The following DLG2 variants were observed in gnomAD, a reference collection of about 807,000 sequenced individuals.
DLG2 encodes the protein discs large MAGUK scaffold protein 2, also known as disks large homolog 2.
Under a neutral mutation model 132.5 loss-of-function variants are expected in DLG2, and 45 were observed. The observed-to-expected ratio is 0.34, with a 90% CI of 0.27 to 0.44. The LOEUF (loss-of-function observed/expected upper bound fraction) is 0.44, where lower values mean the gene tolerates loss of function less well. Ranked by LOEUF, DLG2 falls within the 20% of genes least tolerant of loss-of-function variation. DLG2 has a pLI of 1.00. For synonymous variants in DLG2, 424 were observed against 419.6 expected (o/e 1.01, Z -0.13); for missense variants, 1,045 against 1,196.9 (o/e 0.87, Z 1.87).
intron 21 of DLG2, among the ~76,000 whole-genome samples, chr11:83,514,907 T>A (rs2095232470): frequency 6.6e-6 from 1 of 152,222 alleles, no homozygotes; most frequent in African/African-American, 2.4e-5. Flanking sequence ...TGCTTTTTGA[T>A]GTGCTGCTGG....
chr11:83,515,136 G>A (rs1274618111), intron 21 of DLG2, among the ~76,000 whole-genome samples: 5 of 152,170 alleles, frequency 3.3e-5, no homozygotes, highest in South Asian at 2.1e-4. Context: ...GGTAGAATTC[G>A]GCTGTGAATC....
At chr11:85,611,328 A>G (rs2153273614) in intron 2 of DLG2, among the ~76,000 whole-genome samples, 1 of 152,346 alleles carries the variant, frequency 6.6e-6, no homozygotes, top group Middle Eastern at 3.4e-3. Flanking sequence ...TGGCTATCAG[A>G]CAACTGCCTA....
chr11:84,901,374 G>C (rs946155875), intron 6 of DLG2, among the ~76,000 whole-genome samples: 6 of 152,046 alleles, frequency 3.9e-5, no homozygotes, highest in Non-Finnish European at 7.4e-5. Flanking sequence ...CAATCAGTGG[G>C]ATAAGAGATG....
At chr11:84,766,050 C>T (rs932347317) in intron 6 of DLG2, among the ~76,000 whole-genome samples, 6 of 152,006 alleles carry the variant, frequency 3.9e-5, no homozygotes, top group Admixed American at 2.6e-4. Flanking sequence ...CTTAAACAGA[C>T]ATTTAATGAA....
intron 16 of DLG2, among the ~76,000 whole-genome samples, chr11:83,847,635 T>C (rs2058868855): frequency 6.6e-6 from 1 of 152,154 alleles, no homozygotes; most frequent in South Asian, 2.1e-4. Context: ...CAAGTTTCCA[T>C]ATTGTATAAC....
At chr11:84,000,980 C>G (rs764256696) in intron 11 of DLG2, among the ~76,000 whole-genome samples, 1 of 151,818 alleles carries the variant, frequency 6.6e-6, no homozygotes, top group Non-Finnish European at 1.5e-5. Context: ...AGCATCATGA[C>G]AGAAAGCTAC....
chr11:85,099,565 C>T (rs1177877837), intron 6 of DLG2, among the ~76,000 whole-genome samples: 1 of 152,096 alleles, frequency 6.6e-6, no homozygotes, highest in Non-Finnish European at 1.5e-5. Context: ...GTATGGCCTT[C>T]TATTTTAACA....
intron 11 of DLG2, among the ~76,000 whole-genome samples, chr11:84,021,041 T>A (rs2095375331): frequency 6.6e-6 from 1 of 152,122 alleles, no homozygotes; most frequent in Admixed American, 6.5e-5. Context: ...TATAGAAAGT[T>A]ACAGAAACAG....
At chr11:83,636,777 G>T (rs2153468786) in intron 18 of DLG2, among the ~76,000 whole-genome samples, 1 of 152,146 alleles carries the variant, frequency 6.6e-6, no homozygotes, top group African/African-American at 2.4e-5. Context: ...TTTCTGCCAT[G>T]CTTTCGAAAT....
intron 6 of DLG2, among the ~76,000 whole-genome samples, chr11:84,731,965 T>C (rs570358178): frequency 6.6e-6 from 1 of 152,090 alleles, no homozygotes; most frequent in Admixed American, 6.6e-5. Flanking sequence ...CCCAAAGCAA[T>C]CACTCATCTG....
At chr11:85,158,331 ATTTG>A (rs1354989095) in intron 4 of DLG2, among the ~76,000 whole-genome samples, 5 of 152,092 alleles carry the variant, frequency 3.3e-5, no homozygotes, top group Admixed American at 2.6e-4. Context: ...GGTTGTAATA[ATTTG>A]TTTGTTTAGC....
intron 9 of DLG2, among the ~76,000 whole-genome samples, chr11:84,143,323 G>C (rs1192087838): frequency 1.3e-5 from 2 of 152,134 alleles, no homozygotes; most frequent in African/African-American, 2.4e-5. Flanking sequence ...TGAATGATAA[G>C]AAGAAGTTGA....
intron 8 of DLG2, among the ~76,000 whole-genome samples, chr11:84,226,050 A>G (rs1274214779): frequency 6.6e-6 from 1 of 152,182 alleles, no homozygotes; most frequent in African/African-American, 2.4e-5. Context: ...ACCTCAAGTG[A>G]TCCGCCTGCC....
At chr11:84,880,664 T>C (rs1666118142) in intron 6 of DLG2, among the ~76,000 whole-genome samples, 1 of 152,156 alleles carries the variant, frequency 6.6e-6, no homozygotes, top group African/African-American at 2.4e-5. Context: ...TTTCCTTCTT[T>C]CAAAGTAGAA....
chr11:84,989,175 TA>T (rs1190892456), intron 6 of DLG2, among the ~76,000 whole-genome samples: 1 of 152,072 alleles, frequency 6.6e-6, no homozygotes, highest in African/African-American at 2.4e-5. Context: ...ATGAAATAAA[TA>T]AAAGAAGTTC....
intron 6 of DLG2, among the ~76,000 whole-genome samples, chr11:84,591,555 G>A (rs986457255): frequency 1.3e-5 from 2 of 151,828 alleles, no homozygotes; most frequent in South Asian, 4.1e-4. Flanking sequence ...CAGCTACTGG[G>A]GAGGTTGAGG....
At chr11:84,561,882 A>G (rs1342564589) in intron 6 of DLG2, among the ~76,000 whole-genome samples, 1 of 152,168 alleles carries the variant, frequency 6.6e-6, no homozygotes, top group African/African-American at 2.4e-5. Context: ...TGAACACTAT[A>G]TATGTCAAAC....
intron 8 of DLG2, among the ~76,000 whole-genome samples, chr11:84,208,584 T>A (rs1031490075): frequency 1.3e-4 from 20 of 152,102 alleles, no homozygotes; most frequent in African/African-American, 4.6e-4. Flanking sequence ...ACTCAGGCAA[T>A]CTGCCCACTT....
intron 7 of DLG2, among the ~76,000 whole-genome samples, chr11:84,528,102 C>T (rs193092451): frequency 2.6e-5 from 4 of 152,050 alleles, no homozygotes; most frequent in African/African-American, 9.6e-5. Flanking sequence ...TCTTTGTTTC[C>T]CCATTACTTA....
Sources: gnomAD v4.1 joint callset for allele counts (sites outside exome capture counted in the v4.1 genomes callset) on GRCh38, gnomAD v4.1.1 for gene constraint, MANE v1.5 for transcripts, NCBI Gene and HGNC (gene_info 2026-07-23, HGNC 2026-07-21) for gene names.